FAM118B: variants seen among roughly 807,000 people sequenced by gnomAD.
FAM118B encodes the protein SIR2 antiphage like 1.
FAM118B carries 24 observed loss-of-function variants against 38.5 expected under a neutral mutation model. That is an observed-to-expected ratio of 0.62 (90% confidence interval 0.45 to 0.88). The LOEUF (loss-of-function observed/expected upper bound fraction) is 0.88. Ranked by LOEUF, FAM118B falls within the 40% of genes least tolerant of loss-of-function variation. The pLI is 0.00. For synonymous variants in FAM118B, 138 were observed against 156.3 expected (o/e 0.88, Z 0.87); for missense variants, 334 against 420.0 (o/e 0.80, Z 1.79).
rs1591523567 is a variant in FAM118B, at chr11:126,250,132, C to T, written c.340-374C>T. On this transcript the variant is annotated intron_variant, in intron 4 of 8. Transcript: ENST00000533050. This position sits in a 1 kb window ranked among gnomAD's most constrained non-coding sequence, Gnocchi z 5.1. ...TTTGAGATGGAGTCTCGCTCCGTCG[C>T]CCAGGCTGGAGTGCAGTGACGCGAT... Among the ~76,000 whole-genome samples the T allele has an allele frequency of 1.3e-5, 2 of 151,272 alleles. No homozygotes were observed. The highest frequency in any genetic ancestry group is 3.9e-4 in the East Asian group (2 of 5,116).
intron 1 of FAM118B, chr11:126,214,503 GTTTTTTTTTTGT>G (rs1244719803): frequency 6.0e-4 from 17 of 28,266 alleles, no homozygotes; most frequent in African/African-American, 1.5e-3. Context: ...TTTTTTTTTT[GTTTTTTTTTTGT>G]TTTTTTTTTT....
rs377444603 is a variant in FAM118B, at chr11:126,213,269, T to C, written c.-77+1439T>C. ...TTCTGTCAATGTTTGGCCTGAAGAA[T>C]GAAGGTAGAGGAAGATGTATTTGTA... is the stretch of plus-strand genomic sequence containing the variant. On this transcript the variant is annotated intron_variant, in intron 1 of 8. Transcript: ENST00000533050. Among the ~76,000 whole-genome samples, 16 of 152,270 alleles carry C rather than the reference T, an allele frequency of 1.1e-4. No individual in the cohort carries two copies. In the East Asian group the frequency reaches 1.9e-3, roughly 18 times the overall value.
rs577891201 is a variant in FAM118B at position 126,226,935 on chromosome 11, C to T, written c.-76-2290C>T. ...ATGAGCTATGATCATGCCTGGGCAA[C>T]AGTGAGACCCCGTCCAAAAAAAAAA... On this transcript the variant is annotated intron_variant, in intron 1 of 8. Transcript: ENST00000533050. Among the ~76,000 whole-genome samples the T allele has an allele frequency of 4.4e-3, 502 of 113,396 alleles. 2 individuals are homozygous for T. The highest frequency in any genetic ancestry group is 0.016 in the African/African-American group (435 of 27,444). 74.4% of individuals were successfully genotyped at this position (113,396 alleles called of 152,430 possible).
intron 4 of FAM118B, among the ~76,000 whole-genome samples, chr11:126,247,360 C>T (rs550697067): frequency 6.6e-6 from 1 of 152,194 alleles, no homozygotes; most frequent in Non-Finnish European, 1.5e-5. Context: ...TATTTCCTTC[C>T]TATGTTGATA....
chr11:126,247,881 C>CTA (rs1374355097), intron 4 of FAM118B, among the ~76,000 whole-genome samples: 131 of 138,848 alleles, frequency 9.4e-4, no homozygotes, highest in Middle Eastern at 4.0e-3. Context: ...ATATATATAT[C>CTA]TATATATATA....
At chr11:126,236,033 A>T (rs574137775) in intron 3 of FAM118B, among the ~76,000 whole-genome samples, 24 of 152,294 alleles carry the variant, frequency 1.6e-4, no homozygotes, top group African/African-American at 5.5e-4. Flanking sequence ...ACACACCGAT[A>T]ACTTGCTGGT....
chr11:126,240,124 A>G (rs1350760691), intron 3 of FAM118B, among the ~76,000 whole-genome samples: 3 of 152,200 alleles, frequency 2.0e-5, no homozygotes, highest in Non-Finnish European at 2.9e-5. Flanking sequence ...TGTCTCACAT[A>G]TGGGCCTCAG....
intron 4 of FAM118B, among the ~76,000 whole-genome samples, chr11:126,247,846 A>G (rs1950437256): frequency 7.0e-6 from 1 of 143,180 alleles, no homozygotes; most frequent in African/African-American, 2.5e-5. Flanking sequence ...TGACAGATCG[A>G]GACTCCATCT....
intron 1 of FAM118B, among the ~76,000 whole-genome samples, chr11:126,218,468 A>G (rs1290322451): frequency 6.6e-6 from 1 of 152,052 alleles, no homozygotes; most frequent in Non-Finnish European, 1.5e-5. Context: ...AGCATCCCAC[A>G]TATTTATTTA....
chr11:126,255,665 C>A lies in FAM118B; in HGVS notation c.697-902C>A, dbSNP rs1013669452. Among the ~76,000 whole-genome samples, 6 of 152,148 alleles carry A rather than the reference C, an allele frequency of 3.9e-5. No homozygotes were observed. The highest frequency in any genetic ancestry group is 1.4e-4 in the African/African-American group (6 of 41,436). ...AGACCTACTCTTTGCACAATGACCT[C>A]TGGGCACATAAATCTAAAAAAGTAC... On this transcript the variant is annotated intron_variant, in intron 6 of 8. Coordinates refer to ENST00000533050, the MANE Select transcript of FAM118B (RefSeq NM_024556.4). The surrounding 1 kb of genome is among the most constrained non-coding windows in gnomAD (Gnocchi z 4.6).
intron 3 of FAM118B, among the ~76,000 whole-genome samples, chr11:126,237,061 CGCCCGCCACCAT>C (rs1373087125): frequency 2.7e-5 from 4 of 149,448 alleles, no homozygotes; most frequent in African/African-American, 4.9e-5. Flanking sequence ...GGACTACAGG[CGCCCGCCACCAT>C]GCCCGGCTAA....
intron 3 of FAM118B, among the ~76,000 whole-genome samples, chr11:126,236,056 T>G (rs1307138458): frequency 6.6e-6 from 1 of 152,224 alleles, no homozygotes; most frequent in African/African-American, 2.4e-5. Flanking sequence ...GTGTCATGGA[T>G]TCTTCCTTCT....
At chr11:126,228,731 T>C (rs1021187080) in intron 1 of FAM118B, among the ~76,000 whole-genome samples, 17 of 151,990 alleles carry the variant, frequency 1.1e-4, no homozygotes, top group South Asian at 6.2e-4. Context: ...AGCTAATTTT[T>C]TGTATTTTTA....
Position 126,250,773 on chromosome 11 carries a change from A to ATT in FAM118B, c.567+43_567+44dup. On this transcript the variant is annotated intron_variant, in intron 5 of 8. Coordinates refer to ENST00000533050, the MANE Select transcript of FAM118B (RefSeq NM_024556.4). The surrounding 1 kb of genome is among the most constrained non-coding windows in gnomAD (Gnocchi z 5.1). ...ATTGGTCCCTTCTTCAGGCTAGTGGATTTTATCTTCCTCAGAAAAGCTCTT... is the reference window on the plus strand; with the variant it reads ...ATTGGTCCCTTCTTCAGGCTAGTGGATTTTTTATCTTCCTCAGAAAAGCTCTT... 1 of 1,450,788 alleles carries ATT rather than the reference A, an allele frequency of 6.9e-7. No individual in the cohort carries two copies. The highest frequency in any genetic ancestry group is 9.5e-7 in the Non-Finnish European group (1 of 1,049,562). 89.9% of individuals were successfully genotyped at this position (1,450,788 alleles called of 1,614,324 possible).
At chr11:126,258,566 C>G (rs570660036) in intron 7 of FAM118B, among the ~76,000 whole-genome samples, 1 of 152,166 alleles carries the variant, frequency 6.6e-6, no homozygotes, top group East Asian at 1.9e-4. Flanking sequence ...GCCATCACCA[C>G]ATGAACAAGT....
rs184318703 is a variant in FAM118B, at chr11:126,244,025, T to C, written c.339+2981T>C. 1.1e-3 allele frequency among the ~76,000 whole-genome samples: 169 copies of C among 152,232 alleles called. No homozygotes were observed. The highest frequency in any genetic ancestry group is 3.1e-3 in the African/African-American group (129 of 41,528). On this transcript the variant is annotated intron_variant, in intron 4 of 8. Coordinates refer to ENST00000533050, the MANE Select transcript of FAM118B (RefSeq NM_024556.4). This position sits in a 1 kb window ranked among gnomAD's most constrained non-coding sequence, Gnocchi z 4.5. ...CATGTTAGCAAAATGCAACACTCTT[T>C]CATGATTTTTTTTAAAAAAGCCACA...
In FAM118B at chr11:126,250,843, AT is replaced by A; in HGVS notation, c.567+116del. ...ATTTATGTAGAGCTAGAAAGGAAAA[AT>A]TTTTTCCCTGGTTGGAGTTTTTGTT... On this transcript the variant is annotated intron_variant, in intron 5 of 8. Coordinates refer to ENST00000533050, the MANE Select transcript of FAM118B (RefSeq NM_024556.4). This position sits in a 1 kb window ranked among gnomAD's most constrained non-coding sequence, Gnocchi z 5.1. 3 of 795,536 alleles carry A rather than the reference AT, an allele frequency of 3.8e-6. No individual in the cohort carries two copies. Among genetic ancestry groups the A allele is most frequent in the South Asian group, 2.1e-5 (1 of 47,584 alleles). 49.3% of individuals were successfully genotyped at this position (795,536 alleles called of 1,614,324 possible). A position where few individuals can be genotyped will look rare whatever the true frequency, so the allele number is the denominator to read the frequency against.
At chr11:126,260,732 C>T (rs1005496242) in intron 7 of FAM118B, 1 of 152,120 alleles carries the variant, frequency 6.6e-6, no homozygotes, top group Non-Finnish European at 1.5e-5. Context: ...TATTTGAGTA[C>T]CATGCCTGTT....
At chr11:126,248,836 G>C (rs1227351961) in intron 4 of FAM118B, among the ~76,000 whole-genome samples, 1 of 152,172 alleles carries the variant, frequency 6.6e-6, no homozygotes, top group Admixed American at 6.5e-5. Context: ...ATGAACGTTA[G>C]GGGACCAGTC....
Sources: allele counts gnomAD v4.1 joint callset (sites outside exome capture counted in the v4.1 genomes callset), GRCh38; gene constraint gnomAD v4.1.1; non-coding constraint Gnocchi (gnomAD v3.1); transcripts MANE v1.5; gene names NCBI Gene and HGNC (gene_info 2026-07-23, HGNC 2026-07-21).